The following RAE1 variants were observed in gnomAD, a reference collection of about 807,000 sequenced individuals.
The protein encoded by RAE1 is mRNA export factor RAE1.
In RAE1, 13 loss-of-function variants were observed where a neutral mutation model predicts 52.7. The ratio of observed to expected loss-of-function variants is 0.25; its 90% confidence interval spans 0.16 to 0.39. RAE1 has a LOEUF of 0.39. Among genes scored for constraint, RAE1 ranks in the 10% least tolerant of loss-of-function variants. The pLI is 1.00. For synonymous variants in RAE1, 164 were observed against 153.1 expected, an observed-to-expected ratio of 1.07 and a Z score of -0.52; for missense variants, 262 against 459.8, an observed-to-expected ratio of 0.57 and a Z score of 3.93.
intron 1 of RAE1, among the ~76,000 whole-genome samples, chr20:57,352,213 G>C (rs1334847166): frequency 5.3e-5 from 8 of 152,210 alleles, no homozygotes; most frequent in Admixed American, 5.2e-4. Context: ...TGTGAGTTTG[G>C]AAATTTTATG....
intron 11 of RAE1, among the ~76,000 whole-genome samples, chr20:57,376,668 T>C (rs919756201): frequency 2.0e-5 from 3 of 152,212 alleles, no homozygotes; most frequent in African/African-American, 7.2e-5. Context: ...AAGAGTGTAC[T>C]TTTTTGGTTC....
chr20:57,377,686 T>C (rs547068709), intron 11 of RAE1, among the ~76,000 whole-genome samples: 1 of 152,220 alleles, frequency 6.6e-6, no homozygotes, highest in African/African-American at 2.4e-5. Flanking sequence ...CAGAACTAAT[T>C]CTGACCAAGG....
intron 4 of RAE1, chr20:57,359,136 C>T (rs1255901935): frequency 2.6e-6 from 2 of 761,624 alleles, no homozygotes; most frequent in South Asian, 3.6e-5. Context: ...CAGATAGTGC[C>T]TCTAATACTG....
In RAE1 at chr20:57,360,956, G is replaced by T. The variant is rs181353085; in HGVS notation, c.289-4400G>T. ...GTGTTTGCATGTGTAATCTTACAAA[G>T]AACTAATAAAAAGGTCAGGACCAAA... On this transcript the variant is annotated intron_variant, in intron 4 of 11. Coordinates refer to ENST00000395841, the MANE Select transcript of RAE1 (RefSeq NM_003610.4). 2.1e-3 allele frequency among the ~76,000 whole-genome samples: 324 copies of T among 152,214 alleles called. 1 individual carries two copies. The highest frequency in any genetic ancestry group is 6.4e-3 in the Admixed American group (98 of 15,288).
intron 8 of RAE1, 26 bp from the exon 9 acceptor site, chr20:57,373,449 A>T: frequency 3.8e-6 from 6 of 1,588,512 alleles, no homozygotes; most frequent in Non-Finnish European, 5.2e-6. Flanking sequence ...TGCTGTGATT[A>T]TGTCTCTTTT....
At chr20:57,360,259 T>G (rs1336396222) in intron 4 of RAE1, among the ~76,000 whole-genome samples, 2 of 152,218 alleles carry the variant, frequency 1.3e-5, no homozygotes. Flanking sequence ...AGCCCTTAGA[T>G]TTCATAAGGC....
intron 7 of RAE1, 42 bp from the exon 8 acceptor site, chr20:57,368,663 T>A (rs770394788): frequency 2.1e-6 from 3 of 1,407,224 alleles, no homozygotes; most frequent in Admixed American, 1.7e-5. Context: ...AACAGCACAC[T>A]CCTTCACCTG....
intron 4 of RAE1, among the ~76,000 whole-genome samples, chr20:57,360,876 G>C (rs1465841488): frequency 1.3e-5 from 2 of 152,192 alleles, no homozygotes; most frequent in African/African-American, 4.8e-5. Flanking sequence ...GTGCATGCTT[G>C]ATACCTGCTC....
rs2067152461 is a variant in RAE1, at chr20:57,379,073, A to G, written c.*974A>G. On this transcript the variant is annotated 3_prime_UTR_variant, in exon 12 of 12. Transcript: ENST00000395841. ...TCACCTGTGATCTCAAATGCTTCTT[A>G]GGCCTTTCTGTTTGGACTAATGTGT... 6.6e-6 allele frequency: 1 copy of G among 152,180 alleles called. No individual in the cohort carries two copies. The highest frequency in any genetic ancestry group is 1.5e-5 in the Non-Finnish European group (1 of 68,044). The allele number at this position is 152,180 out of a possible 1,614,324, so 9.4% of individuals were successfully genotyped here. A position where few individuals can be genotyped will look rare whatever the true frequency, so the allele number is the denominator to read the frequency against.
chr20:57,359,369 A>T (rs1363891039), intron 4 of RAE1: 2 of 187,548 alleles, frequency 1.1e-5, no homozygotes, highest in African/African-American at 4.7e-5. Flanking sequence ...TCTTACTTAC[A>T]TTAACATTAC....
At chr20:57,367,729 G>C (rs1248658176) in intron 7 of RAE1, among the ~76,000 whole-genome samples, 1 of 125,012 alleles carries the variant, frequency 8.0e-6, no homozygotes, top group Non-Finnish European at 1.6e-5. Context: ...GATAGAGTGA[G>C]ATACTATCTC....
chr20:57,356,441 T>C lies in RAE1; in HGVS notation c.196-5T>C, dbSNP rs765226735. The stretch of plus-strand genomic sequence containing the variant: ...TGTTTGCATTGAATTTTTTTGTTAC[T>C]ACAGGTTCGCTGCTGGGAAGTTCAA... On this transcript the variant is annotated splice_region_variant and splice_polypyrimidine_tract_variant and intron_variant, in intron 3 of 11. Coordinates refer to ENST00000395841, the MANE Select transcript of RAE1 (RefSeq NM_003610.4). 1 of 1,609,402 alleles carries C rather than the reference T, an allele frequency of 6.2e-7. No homozygotes were observed. Among genetic ancestry groups the C allele is most frequent in the South Asian group, 1.1e-5 (1 of 90,406 alleles).
rs1018073671 is a variant in RAE1, at chr20:57,356,477, A to G, written c.227A>G (p.Gln76Arg). 6.2e-7 allele frequency: 1 copy of G among 1,613,348 alleles called. No homozygotes were observed. The highest frequency in any genetic ancestry group is 8.5e-7 in the Non-Finnish European group (1 of 1,179,494). Residue 76 changes from glutamine to arginine, a missense_variant, in exon 4 of 12, where the codon CAG (glutamine) becomes CGG (arginine). Transcript: ENST00000395841. ...TGCTGGGAAGTTCAAGACAGTGGACAGACCATTCCAAAAGCCCAGCAGATG... is the reference window on the plus strand; with the variant it reads ...TGCTGGGAAGTTCAAGACAGTGGACGGACCATTCCAAAAGCCCAGCAGATG... ...VRCWEVQDSG[Q>R]TIPKAQQMHT...
intron 3 of RAE1, among the ~76,000 whole-genome samples, chr20:57,356,002 T>C (rs2066780104): frequency 6.6e-6 from 1 of 152,180 alleles, no homozygotes; most frequent in African/African-American, 2.4e-5. Flanking sequence ...CACAGAACCA[T>C]TAGCTGTGGT....
Position 57,378,410 on chromosome 20 carries a change from C to A in RAE1, c.*311C>A, listed in dbSNP as rs1001209042. On this transcript the variant is annotated 3_prime_UTR_variant, in exon 12 of 12. Transcript: ENST00000395841. ...GTGTTAGAGAATATTGGAAAAGCGT[C>A]TGTGAGCCCCGTGCTGTATTTTGTA... The A allele has an allele frequency of 5.4e-5, 16 of 298,042 alleles. No homozygotes were observed. Among genetic ancestry groups the A allele is most frequent in the African/African-American group, 2.6e-4 (12 of 46,760 alleles). 18.5% of individuals were successfully genotyped at this position (298,042 alleles called of 1,614,324 possible).
chr20:57,354,313 T>G (rs897239647), intron 2 of RAE1, among the ~76,000 whole-genome samples, 185 bp downstream of exon 2: 2 of 152,250 alleles, frequency 1.3e-5, no homozygotes, highest in Non-Finnish European at 2.9e-5. Context: ...CTGTTCTTCC[T>G]GGCCTGCCAG....
At chr20:57,351,775 C>G (rs978395188) in intron 1 of RAE1, 45 of 985,358 alleles carry the variant, frequency 4.6e-5, no homozygotes, top group Non-Finnish European at 5.4e-5. Flanking sequence ...GAAGGGCGTC[C>G]CCTTTTAGCC....
At chr20:57,370,474 C>A (rs368499811) in intron 8 of RAE1, among the ~76,000 whole-genome samples, 51 of 152,346 alleles carry the variant, frequency 3.3e-4, no homozygotes, top group African/African-American at 1.2e-3. Flanking sequence ...CCAAGCACAA[C>A]TGATCTCCCA....
chr20:57,374,568 C>T lies in RAE1; in HGVS notation c.826-39C>T, dbSNP rs75775130. Reference sequence around the variant, plus strand: ...CGTGGGTGGAACCTTCTCTGCGCCCCTCTGCCTGGCTTCTCATTGTGCATG... The same window carrying T: ...CGTGGGTGGAACCTTCTCTGCGCCCTTCTGCCTGGCTTCTCATTGTGCATG... On this transcript the variant is annotated intron_variant, in intron 10 of 11. Coordinates refer to ENST00000395841, the MANE Select transcript of RAE1 (RefSeq NM_003610.4). 2.1e-4 allele frequency: 331 copies of T among 1,573,350 alleles called. No homozygotes were observed. In the African/African-American group the frequency reaches 3.0e-3, roughly 14 times the overall value.
Sources: allele counts gnomAD v4.1 joint callset (sites outside exome capture counted in the v4.1 genomes callset), GRCh38; gene constraint gnomAD v4.1.1; transcripts MANE v1.5; gene names NCBI Gene and HGNC (gene_info 2026-07-23, HGNC 2026-07-21).